The following ARHGEF9 variants were observed in gnomAD, a reference collection of about 807,000 sequenced individuals.
ARHGEF9 encodes rho guanine nucleotide exchange factor 9.
In ARHGEF9, 2 loss-of-function variants were observed where a neutral mutation model predicts 41.3. That is an observed-to-expected ratio of 0.05 (90% CI 0.02 to 0.15). The LOEUF (loss-of-function observed/expected upper bound fraction) is 0.15, where lower values mean the gene tolerates loss of function less well. Ranked by LOEUF, ARHGEF9 falls within the 10% of genes least tolerant of loss-of-function variation. The pLI, the probability that ARHGEF9 is intolerant of heterozygous loss-of-function variation, is 1.00. For synonymous variants in ARHGEF9, 160 were observed against 154.4 expected (o/e 1.04, Z -0.27); for missense variants, 225 against 424.7 (o/e 0.53, Z 4.13).
chrX:63,644,179 A>T (rs2047836911), intron 8 of ARHGEF9, 131 bp from the exon 9 acceptor site: 1 of 481,646 alleles, frequency 2.1e-6, no homozygotes, highest in South Asian at 4.2e-5. Context: ...AAAAAAAAAA[A>T]AATCATTCCC....
Position 63,637,589 on chromosome X carries a change from A to G in ARHGEF9, c.*439T>C, listed in dbSNP as rs1733258999. Reference sequence around the variant, plus strand: ...AATTCATCAACATCAGTATCATCAGAAAAAAAACAATACAAACACATCTAT... The same window carrying G: ...AATTCATCAACATCAGTATCATCAGGAAAAAAACAATACAAACACATCTAT... On this transcript the variant is annotated 3_prime_UTR_variant, in exon 10 of 10. Coordinates refer to ENST00000671741, the MANE Select transcript of ARHGEF9 (RefSeq NM_001353921.2). 3 of 221,243 alleles carry G rather than the reference A, an allele frequency of 1.4e-5. No individual in the cohort carries two copies. Among genetic ancestry groups the G allele is most frequent in the Non-Finnish European group, 2.4e-5 (3 of 124,324 alleles). 18.2% of individuals were successfully genotyped at this position (221,243 alleles called of 1,213,427 possible).
chrX:63,661,392 G>A (rs1556341328), intron 7 of ARHGEF9, among the ~76,000 whole-genome samples: 1 of 111,857 alleles, frequency 8.9e-6, no homozygotes, highest in Admixed American at 9.5e-5. Flanking sequence ...GGCACAATAG[G>A]ACAGAGGGTG....
chrX:63,747,328 A>G (rs1227562394), intron 1 of ARHGEF9, among the ~76,000 whole-genome samples: 1 of 111,779 alleles, frequency 8.9e-6, no homozygotes, highest in Non-Finnish European at 1.9e-5. Flanking sequence ...TGAAGTGTTC[A>G]AACCATCTCA....
At chrX:63,705,497 C>T (rs1382488447) in intron 3 of ARHGEF9, among the ~76,000 whole-genome samples, 1 of 109,643 alleles carries the variant, frequency 9.1e-6, no homozygotes, top group Non-Finnish European at 1.9e-5. Context: ...AGCTACTAAG[C>T]TTAAGAGAGT....
At position 63,694,952 on chromosome X, in the gene ARHGEF9, A is replaced by G. The variant is rs1257694578; in HGVS notation, c.582+2173T>C. ...TTAAAAGGTAAAATAATACATTAAA[A>G]GAGATAACACACAGTGTTTAAGTGG... On this transcript the variant is annotated intron_variant, in intron 4 of 9. Transcript: ENST00000671741. Among the ~76,000 whole-genome samples the G allele has an allele frequency of 4.0e-4, 45 of 112,930 alleles. 1 individual carries two copies. Among genetic ancestry groups the G allele is most frequent in the African/African-American group, 1.3e-3 (41 of 31,140 alleles).
chrX:63,770,842 C>A (rs181033755), intron 1 of ARHGEF9, among the ~76,000 whole-genome samples: 12 of 112,333 alleles, frequency 1.1e-4, no homozygotes, highest in East Asian at 5.6e-4. Context: ...ATGTAACTTG[C>A]TCCTCCTTGC....
intron 4 of ARHGEF9, among the ~76,000 whole-genome samples, chrX:63,679,436 C>A (rs1244009079): frequency 9.1e-6 from 1 of 110,455 alleles, no homozygotes; most frequent in East Asian, 2.8e-4. Context: ...ATTTATAAAA[C>A]CCAAGAGAAA....
intron 6 of ARHGEF9, among the ~76,000 whole-genome samples, chrX:63,668,611 G>T (rs782765424): frequency 2.7e-5 from 3 of 111,583 alleles, no homozygotes; most frequent in Non-Finnish European, 5.6e-5. Flanking sequence ...ACTTCATTTG[G>T]GTGTTGTGAG....
rs2047325666 is a variant in ARHGEF9, at chrX:63,636,588, T to A, written c.*1440A>T. 2.4e-5 allele frequency: 5 copies of A among 207,695 alleles called. No individual in the cohort carries two copies. Among genetic ancestry groups the A allele is most frequent in the Middle Eastern group, 1.5e-3 (1 of 651 alleles). 17.1% of individuals were successfully genotyped at this position (207,695 alleles called of 1,213,427 possible). A position where few individuals can be genotyped will look rare whatever the true frequency, so the allele number is the denominator to read the frequency against. ...GGCCTTCTTTGAGTGCCAGAACAGC[T>A]TTAACTATATCAATACCAAAAATCC... On this transcript the variant is annotated 3_prime_UTR_variant, in exon 10 of 10. Transcript: ENST00000671741.
intron 6 of ARHGEF9, among the ~76,000 whole-genome samples, chrX:63,668,654 G>T (rs1346205873): frequency 8.9e-6 from 1 of 111,845 alleles, no homozygotes; most frequent in Non-Finnish European, 1.9e-5. Context: ...AAAGTGCCTA[G>T]AAGGTACACA....
intron 8 of ARHGEF9, 82 bp from the exon 9 acceptor site, chrX:63,644,130 G>T: frequency 3.4e-6 from 2 of 594,156 alleles, no homozygotes; most frequent in East Asian, 4.2e-5. Context: ...TTTTCTGTAA[G>T]AAAGATTTGC....
intron 2 of ARHGEF9, among the ~76,000 whole-genome samples, chrX:63,713,773 G>C (rs782017280): frequency 9.1e-6 from 1 of 109,806 alleles, no homozygotes; most frequent in East Asian, 2.9e-4. Flanking sequence ...AGGAGGATCA[G>C]AAGTGCTTAG....
chrX:63,742,921 T>C, intron 1 of ARHGEF9, among the ~76,000 whole-genome samples: 1 of 112,285 alleles, frequency 8.9e-6, no homozygotes. Context: ...ACTTCTTTCT[T>C]CTATCTTGAT....
intron 1 of ARHGEF9, chrX:63,767,175 A>G: frequency 1.3e-6 from 1 of 762,975 alleles, no homozygotes; most frequent in Admixed American, 2.2e-5. Flanking sequence ...CAGCATCTTA[A>G]ACCAGCTTGG....
At chrX:63,692,452 T>C (rs782553275) in intron 4 of ARHGEF9, among the ~76,000 whole-genome samples, 1 of 112,522 alleles carries the variant, frequency 8.9e-6, no homozygotes, top group Non-Finnish European at 1.9e-5. Context: ...AATAGGCATA[T>C]GAAAAATGCC....
At chrX:63,750,412 C>T (rs1318110328) in intron 1 of ARHGEF9, among the ~76,000 whole-genome samples, 1 of 111,419 alleles carries the variant, frequency 9.0e-6, no homozygotes, top group East Asian at 2.8e-4. Context: ...GCCCTGTTTA[C>T]CAGCTCCATT....
chrX:63,665,147 C>T (rs1156993770), intron 7 of ARHGEF9, among the ~76,000 whole-genome samples: 3 of 112,334 alleles, frequency 2.7e-5, no homozygotes, highest in Non-Finnish European at 3.8e-5. Context: ...TCTGAACTCT[C>T]TACTGTGAGT....
intron 2 of ARHGEF9, among the ~76,000 whole-genome samples, chrX:63,713,338 A>G (rs573608411): frequency 1.8e-5 from 2 of 110,267 alleles, no homozygotes; most frequent in South Asian, 7.9e-4. Flanking sequence ...ATCAATACAT[A>G]AACTCCCTTG....
At position 63,676,125 on chromosome X, in the gene ARHGEF9, C is replaced by T. The variant is rs142377822; in HGVS notation, c.816-1958G>A. Among the ~76,000 whole-genome samples, 362 of 112,197 alleles carry T rather than the reference C, an allele frequency of 3.2e-3. 3 individuals carry two copies. Among genetic ancestry groups the T allele is most frequent in the African/African-American group, 0.011 (354 of 30,937 alleles). The stretch of plus-strand genomic sequence containing the variant: ...CTTCTAATTGCCAGGGCAGATCCTA[C>T]GTAGTACCTCCTCCTAGTTCACATC... On this transcript the variant is annotated intron_variant, in intron 5 of 9. Coordinates refer to ENST00000671741, the MANE Select transcript of ARHGEF9 (RefSeq NM_001353921.2).
Sources: gnomAD v4.1 joint callset for allele counts (sites outside exome capture counted in the v4.1 genomes callset) on GRCh38, gnomAD v4.1.1 for gene constraint, MANE v1.5 for transcripts, NCBI Gene and HGNC (gene_info 2026-07-23, HGNC 2026-07-21) for gene names.